ATP10A: variants seen among roughly 807,000 people sequenced by gnomAD.
ATP10A encodes the protein phospholipid-transporting ATPase VA.
ATP10A carries 111 observed loss-of-function variants against 147.8 expected under a neutral mutation model. The ratio of observed to expected loss-of-function variants is 0.75; its 90% confidence interval spans 0.64 to 0.88. The LOEUF (loss-of-function observed/expected upper bound fraction) is 0.88. ATP10A is among the 40% of genes least tolerant of loss of function. ATP10A has a pLI of 0.00. For synonymous variants in ATP10A, 875 were observed against 841.6 expected, an observed-to-expected ratio of 1.04 and a Z score of -0.69; for missense variants, 1,927 against 1,959.0, an observed-to-expected ratio of 0.98 and a Z score of 0.31.
chr15:25,713,646 G>A (rs1256196319), intron 10 of ATP10A, 28 bp downstream of exon 10: 1 of 1,605,484 alleles, frequency 6.2e-7, no homozygotes, highest in Non-Finnish European at 8.5e-7. Context: ...CCCCGAGCTG[G>A]GGTGCAGCTG....
intron 2 of ATP10A, among the ~76,000 whole-genome samples, chr15:25,767,422 T>G (rs1889086113): frequency 6.6e-6 from 1 of 151,830 alleles, no homozygotes; most frequent in Non-Finnish European, 1.5e-5. Context: ...AGGCATGGGG[T>G]TGGGGAGTGC....
chr15:25,676,335 T>C (rs1037239521), downstream of ATP10A, among the ~76,000 whole-genome samples: 6 of 152,204 alleles, frequency 3.9e-5, no homozygotes, highest in Non-Finnish European at 8.8e-5. Flanking sequence ...CTCTGCACTT[T>C]GCACCTCTCC....
intron 1 of ATP10A, among the ~76,000 whole-genome samples, chr15:25,809,499 T>C (rs1434360047): frequency 6.6e-6 from 1 of 152,230 alleles, no homozygotes; most frequent in Non-Finnish European, 1.5e-5. Context: ...CTGTGAGCTT[T>C]TAAGAATAAA....
chr15:25,847,804 G>A lies in ATP10A; in HGVS notation c.449+14844C>T, dbSNP rs146553382. Among the ~76,000 whole-genome samples, 1,053 of 151,304 alleles carry A rather than the reference G, an allele frequency of 7.0e-3. 13 individuals carry two copies. The highest frequency in any genetic ancestry group is 0.024 in the African/African-American group (1,001 of 41,234). On this transcript the variant is annotated intron_variant, in intron 1 of 20. Transcript: ENST00000555815. ...CACCACCATGCCCAGCTAATTTTTCGTATTTTTTGTAGGGATGAGGTTTTG... is the reference window on the plus strand; with the variant it reads ...CACCACCATGCCCAGCTAATTTTTCATATTTTTTGTAGGGATGAGGTTTTG...
At chr15:25,827,747 T>C (rs1892176606) in intron 1 of ATP10A, among the ~76,000 whole-genome samples, 1 of 152,184 alleles carries the variant, frequency 6.6e-6, no homozygotes, top group Non-Finnish European at 1.5e-5. Flanking sequence ...TAAAAATACC[T>C]AAGACATAAA....
intron 1 of ATP10A, among the ~76,000 whole-genome samples, chr15:25,831,198 C>G (rs1892341155): frequency 6.6e-6 from 1 of 152,226 alleles, no homozygotes. Flanking sequence ...TCTCCCACCT[C>G]ATTCCAAAGC....
chr15:25,701,282 T>G, intron 13 of ATP10A, among the ~76,000 whole-genome samples: 1 of 152,210 alleles, frequency 6.6e-6, no homozygotes. Flanking sequence ...AAGGTCCTGA[T>G]AGCTGATGGT....
intron 1 of ATP10A, among the ~76,000 whole-genome samples, chr15:25,832,523 A>AT (rs2140873217): frequency 6.8e-6 from 1 of 147,674 alleles, no homozygotes; most frequent in East Asian, 2.0e-4. Flanking sequence ...ACCAGATTCC[A>AT]TTTTTTGTCT....
intron 3 of ATP10A, among the ~76,000 whole-genome samples, chr15:25,734,827 T>C (rs1282901394): frequency 1.3e-5 from 2 of 152,122 alleles, no homozygotes; most frequent in East Asian, 1.9e-4. Flanking sequence ...TGTGCAGAGT[T>C]CACTTCCGTT....
chr15:25,752,429 T>C (rs1412943546), intron 2 of ATP10A, among the ~76,000 whole-genome samples: 2 of 152,214 alleles, frequency 1.3e-5, no homozygotes, highest in African/African-American at 4.8e-5. Context: ...CTCACTTATA[T>C]GTGGAATCTA....
intron 1 of ATP10A, among the ~76,000 whole-genome samples, chr15:25,786,852 G>C (rs1890194288): frequency 6.7e-6 from 1 of 150,162 alleles, no homozygotes. Flanking sequence ...AGCCAGGATG[G>C]TCTCAATCTC....
intron 1 of ATP10A, among the ~76,000 whole-genome samples, chr15:25,793,478 CCTT>C (rs1890528092): frequency 6.6e-6 from 1 of 152,192 alleles, no homozygotes; most frequent in African/African-American, 2.4e-5. Flanking sequence ...CCCCACTTCC[CCTT>C]CTAAGTGCTC....
Position 25,683,270 on chromosome 15 carries a change from C to T in ATP10A, c.3492+16G>A. 1.2e-6 allele frequency: 2 copies of T among 1,611,892 alleles called. No homozygotes were observed. The highest frequency in any genetic ancestry group is 1.7e-6 in the Non-Finnish European group (2 of 1,179,302). On this transcript the variant is annotated intron_variant, in intron 17 of 20. Coordinates refer to ENST00000555815, the MANE Select transcript of ATP10A (RefSeq NM_024490.4). ...GAGCTCAGGAGGTGGAAGGCGGAGA[C>T]TCGGGGGAGCTTTACCTCCATGTTC... is the stretch of plus-strand genomic sequence containing the variant.
chr15:25,751,970 A>G (rs1021407869), intron 2 of ATP10A, among the ~76,000 whole-genome samples: 1 of 149,788 alleles, frequency 6.7e-6, no homozygotes, highest in African/African-American at 2.5e-5. Flanking sequence ...GAGATTTGCT[A>G]TCCTACCTGT....
Position 25,718,396 on chromosome 15 carries a change from T to A in ATP10A, c.1367A>T (p.Gln456Leu). Reference protein sequence around the residue: ...GVEYSHDANAQRLARYQEADS... With the variant: ...GVEYSHDANALRLARYQEADS... ...TGCCTCTTGGTACCTGGCCAGACGC[T>A]GCGCTGCGGGGAGAGGGCGCAGGGT... Residue 456 changes from glutamine (Q) to leucine (L), a missense_variant, in exon 8 of 21, where the codon CAG becomes CTG. Gln to Leu is a moderately radical substitution (Grantham distance 113). Transcript: ENST00000555815. 6.3e-7 allele frequency: 1 copy of A among 1,594,726 alleles called. No individual in the cohort carries two copies. The highest frequency in any genetic ancestry group is 8.5e-7 in the Non-Finnish European group (1 of 1,173,704).
At chr15:25,853,390 T>C (rs34704627) in intron 1 of ATP10A, among the ~76,000 whole-genome samples, 23,268 of 152,180 alleles carry the variant, frequency 0.15, 1,859 homozygotes, top group South Asian at 0.21. Flanking sequence ...CCAGCCCCTT[T>C]TCAACCTTCC....
At chr15:25,715,479 C>T (rs900234082) in intron 9 of ATP10A, among the ~76,000 whole-genome samples, 6 of 152,260 alleles carry the variant, frequency 3.9e-5, no homozygotes, top group African/African-American at 1.2e-4. Context: ...TGCCATCTCT[C>T]ACCCTTCATT....
At chr15:25,832,030 T>C (rs1172388938) in intron 1 of ATP10A, among the ~76,000 whole-genome samples, 2 of 152,064 alleles carry the variant, frequency 1.3e-5, no homozygotes, top group Non-Finnish European at 2.9e-5. Flanking sequence ...CCTAACCCAA[T>C]GACTGGTATC....
At chr15:25,783,482 C>CCT (rs1555469260) in intron 1 of ATP10A, among the ~76,000 whole-genome samples, 1 of 147,074 alleles carries the variant, frequency 6.8e-6, no homozygotes, top group African/African-American at 2.4e-5. Flanking sequence ...GAGGGACCCC[C>CCT]CCCTGGCAAA....
Sources: gnomAD v4.1 joint callset for allele counts (sites outside exome capture counted in the v4.1 genomes callset) on GRCh38, gnomAD v4.1.1 for gene constraint, MANE v1.5 for transcripts, NCBI Gene and HGNC (gene_info 2026-07-23, HGNC 2026-07-21) for gene names.